The following DENND1A variants were observed in gnomAD, a reference collection of about 807,000 sequenced individuals.
The protein encoded by DENND1A is DENN domain-containing protein 1A.
A neutral mutation model predicts 113.7 loss-of-function variants in DENND1A; 51 were observed. That is an observed-to-expected ratio of 0.45 (90% CI 0.36 to 0.57). DENND1A has a LOEUF of 0.57. Among genes scored for constraint, DENND1A ranks in the 20% least tolerant of loss-of-function variants. The pLI is 0.00. For synonymous variants in DENND1A, 565 were observed against 570.8 expected (o/e 0.99, Z 0.14); for missense variants, 1,258 against 1,395.9 (o/e 0.90, Z 1.57).
At position 123,754,750 on chromosome 9, in the gene DENND1A, G is replaced by A. The variant is rs1285526565; in HGVS notation, c.302+2953C>T. 3.9e-5 allele frequency among the ~76,000 whole-genome samples: 6 copies of A among 152,246 alleles called. No homozygotes were observed. In the East Asian group the frequency reaches 1.2e-3, roughly 29 times the overall value. ...AACAGATTTAAAAAACACATCAATTGCTGCCATTTTTCATTCTAAAGGATG... is the reference window on the plus strand; with the variant it reads ...AACAGATTTAAAAAACACATCAATTACTGCCATTTTTCATTCTAAAGGATG... On this transcript the variant is annotated intron_variant, in intron 5 of 23. Transcript: ENST00000394215.
chr9:123,599,787 T>C (rs2059863974), intron 11 of DENND1A, among the ~76,000 whole-genome samples: 1 of 152,234 alleles, frequency 6.6e-6, no homozygotes, highest in South Asian at 2.1e-4. Context: ...TCGGCTTGCT[T>C]ACACATTGCC....
At chr9:123,885,249 T>C (rs1433431340) in intron 1 of DENND1A, among the ~76,000 whole-genome samples, 2 of 152,218 alleles carry the variant, frequency 1.3e-5, no homozygotes, top group Non-Finnish European at 2.9e-5. Context: ...CAGGCACTGA[T>C]ACTTTTTAAT....
Position 123,630,402 on chromosome 9 carries a change from C to T in DENND1A, c.693G>A (p.Leu231=). The change falls in exon 10 of 24, where the codon CTG becomes CTA. Residue 231 remains leucine, a synonymous_variant. Transcript: ENST00000394215. ...AGCAGTAGTCCAGCAGATGCGGCGG[C>T]AGCACGGGGATGTACACGTGCTGCC... The part of the protein sequence containing the change: ...MYWQHVYIPV[L]PPHLLDYCCA... 1 of 1,598,888 alleles carries T rather than the reference C, an allele frequency of 6.3e-7. No individual in the cohort carries two copies.
chr9:123,421,023 C>T (rs897651627), intron 19 of DENND1A, among the ~76,000 whole-genome samples: 1 of 149,702 alleles, frequency 6.7e-6, no homozygotes, highest in African/African-American at 2.5e-5. Flanking sequence ...TGACGTATGC[C>T]ATTCTTTGCC....
At chr9:123,489,288 T>A (rs1210939094) in intron 13 of DENND1A, among the ~76,000 whole-genome samples, 1 of 152,268 alleles carries the variant, frequency 6.6e-6, no homozygotes, top group South Asian at 2.1e-4. Flanking sequence ...AGAGTTTAGG[T>A]GGAGGCACTC....
rs149268361 is a variant in DENND1A at position 123,545,077 on chromosome 9, G to A, written c.993+12493C>T. On this transcript the variant is annotated intron_variant, in intron 13 of 23. Coordinates refer to ENST00000394215, the MANE Select transcript of DENND1A (RefSeq NM_001352964.2). ...CGCGCCACTGTACTCCAGCCTGGGC[G>A]ACAGAGCAAGACTCCGTCTCAAAAA... Among the ~76,000 whole-genome samples, 208 of 150,954 alleles carry A rather than the reference G, an allele frequency of 1.4e-3. 1 individual carries two copies. Among genetic ancestry groups the A allele is most frequent in the African/African-American group, 4.9e-3 (200 of 40,884 alleles).
At chr9:123,739,357 G>GATTTTCTT (rs11281437) in intron 5 of DENND1A, among the ~76,000 whole-genome samples, 20,801 of 151,994 alleles carry the variant, frequency 0.14, 1,722 homozygotes, top group African/African-American at 0.23. Context: ...CCAGAGTCCT[G>GATTTTCTT]ATTTTCTTAT....
intron 2 of DENND1A, among the ~76,000 whole-genome samples, chr9:123,850,710 G>C (rs567584765): frequency 6.6e-6 from 1 of 152,238 alleles, no homozygotes; most frequent in East Asian, 1.9e-4. Flanking sequence ...AATTGAGACA[G>C]TAACAGTATC....
chr9:123,619,313 T>C (rs1382728078), intron 10 of DENND1A, among the ~76,000 whole-genome samples: 9 of 152,234 alleles, frequency 5.9e-5, no homozygotes, highest in South Asian at 2.1e-4. Context: ...AAAAATCTAA[T>C]GTGTCTGGAA....
intron 13 of DENND1A, among the ~76,000 whole-genome samples, chr9:123,540,749 T>A (rs961795154): frequency 6.6e-6 from 1 of 152,058 alleles, no homozygotes; most frequent in Non-Finnish European, 1.5e-5. Context: ...ACGGCAAAAA[T>A]GTTTTCTGTA....
intron 5 of DENND1A, among the ~76,000 whole-genome samples, chr9:123,702,285 G>A (rs1015994624): frequency 8.6e-5 from 13 of 151,982 alleles, no homozygotes; most frequent in South Asian, 2.1e-4. Flanking sequence ...AAAAAGGAAC[G>A]AAGAAAGCTT....
Position 123,387,769 on chromosome 9 carries a change from C to G in DENND1A, c.1721G>C (p.Gly574Ala), listed in dbSNP as rs2042642885. The G allele has an allele frequency of 1.6e-6, 2 of 1,289,454 alleles. No individual in the cohort carries two copies. The highest frequency in any genetic ancestry group is 2.0e-6 in the Non-Finnish European group (2 of 988,818). The allele number at this position is 1,289,454 out of a possible 1,614,324, so 79.9% of individuals were successfully genotyped here. The change falls in exon 22 of 24, where the codon GGC becomes GCC. Residue 574 changes from glycine to alanine, a missense_variant. This residue lies in a region of DENND1A where 1,159 missense variants were observed against 1,231.7 expected (regional missense o/e 0.94). Transcript: ENST00000394215. ...ECQREEGPSS[G>A]FTESFFFSAP... Reference sequence around the variant, plus strand: ...GGAGAAGAAAAAGCTCTCGGTGAAGCCAGAGCTCGGGCCCTCTTCCCGCTG... The same window carrying G: ...GGAGAAGAAAAAGCTCTCGGTGAAGGCAGAGCTCGGGCCCTCTTCCCGCTG...
At chr9:123,678,997 C>T (rs1460338811) in intron 5 of DENND1A, among the ~76,000 whole-genome samples, 5 of 152,044 alleles carry the variant, frequency 3.3e-5, no homozygotes, top group South Asian at 2.1e-4. Flanking sequence ...ACAGATTAGA[C>T]GACTCAGTAA....
chr9:123,436,995 A>G (rs1013544991), intron 19 of DENND1A, among the ~76,000 whole-genome samples: 3 of 152,174 alleles, frequency 2.0e-5, no homozygotes, highest in East Asian at 1.9e-4. Context: ...AAAGTGTCCA[A>G]CTTGGGACTA....
At chr9:123,668,507 C>T (rs569372258) in intron 7 of DENND1A, among the ~76,000 whole-genome samples, 26 of 152,210 alleles carry the variant, frequency 1.7e-4, no homozygotes, top group Non-Finnish European at 3.2e-4. Flanking sequence ...CTCCATATTA[C>T]AAATGGGTAA....
intron 2 of DENND1A, among the ~76,000 whole-genome samples, chr9:123,800,143 C>T (rs1216868793): frequency 6.6e-6 from 1 of 152,176 alleles, no homozygotes; most frequent in Non-Finnish European, 1.5e-5. Context: ...GTTTATTCGC[C>T]TCCTGGCATC....
chr9:123,656,164 C>A (rs10818853), intron 8 of DENND1A, among the ~76,000 whole-genome samples: 1 of 151,754 alleles, frequency 6.6e-6, no homozygotes, highest in South Asian at 2.1e-4. Flanking sequence ...CTCAGTGGAC[C>A]AGGGAAGAAG....
intron 13 of DENND1A, among the ~76,000 whole-genome samples, chr9:123,483,231 T>C (rs1468143175): frequency 6.6e-6 from 1 of 151,966 alleles, no homozygotes; most frequent in Non-Finnish European, 1.5e-5. Context: ...CTCGCCAGGG[T>C]CTCCTCCTTC....
chr9:123,767,644 CAGTGTGTG>C (rs1485449554), intron 4 of DENND1A, among the ~76,000 whole-genome samples: 2 of 152,082 alleles, frequency 1.3e-5, no homozygotes, highest in African/African-American at 4.8e-5. Flanking sequence ...AAATATGAAT[CAGTGTGTG>C]TATGTGTGTA....
Sources: allele counts gnomAD v4.1 joint callset (sites outside exome capture counted in the v4.1 genomes callset), GRCh38; gene constraint gnomAD v4.1.1; regional missense constraint gnomAD v4.1.1; transcripts MANE v1.5; gene names NCBI Gene and HGNC (gene_info 2026-07-23, HGNC 2026-07-21).